Variants in NTM observed in about 807,000 individuals in gnomAD.
NTM encodes neurotrimin, also known as IgLON family member 2.
Under a neutral mutation model 42.1 loss-of-function variants are expected in NTM, and 13 were observed. The observed-to-expected ratio is 0.31, with a 90% CI of 0.20 to 0.49. NTM has a LOEUF of 0.49. NTM is among the 20% of genes least tolerant of loss of function. NTM has a pLI of 0.99. For synonymous variants in NTM, 187 were observed against 179.2 expected (o/e 1.04, Z -0.35); for missense variants, 373 against 452.8 (o/e 0.82, Z 1.60).
At chr11:131,381,215 T>A (rs973412055) in intron 1 of NTM, among the ~76,000 whole-genome samples, 2 of 152,104 alleles carry the variant, frequency 1.3e-5, no homozygotes, top group African/African-American at 4.8e-5. Context: ...AAGAGGAAAA[T>A]GACTGGATGA....
At chr11:131,894,377 C>G (rs2051898159) in intron 1 of NTM, among the ~76,000 whole-genome samples, 1 of 152,180 alleles carries the variant, frequency 6.6e-6, no homozygotes, top group Admixed American at 6.5e-5. Flanking sequence ...TGTGGCCCTT[C>G]CACATAAGAA....
chr11:132,223,567 CT>C (rs2085588555), intron 4 of NTM, among the ~76,000 whole-genome samples: 1 of 152,190 alleles, frequency 6.6e-6, no homozygotes, highest in African/African-American at 2.4e-5. Flanking sequence ...CCTTCCCTGT[CT>C]GCACTAGACT....
At chr11:131,953,191 C>T (rs2061206028) in intron 2 of NTM, among the ~76,000 whole-genome samples, 1 of 152,120 alleles carries the variant, frequency 6.6e-6, no homozygotes, top group African/African-American at 2.4e-5. Context: ...GTTGCCATGG[C>T]AACATTCATT....
chr11:132,087,993 G>A (rs2059937731), intron 2 of NTM, among the ~76,000 whole-genome samples: 1 of 152,202 alleles, frequency 6.6e-6, no homozygotes, highest in African/African-American at 2.4e-5. Context: ...ATCCTGCATG[G>A]CCATTGGATG....
At position 132,120,836 on chromosome 11, in the gene NTM, C is replaced by T. The variant is rs140459629; in HGVS notation, c.168-25446C>T. Among the ~76,000 whole-genome samples, 805 of 152,150 alleles carry T rather than the reference C, an allele frequency of 5.3e-3. 3 individuals are homozygous for T. Among genetic ancestry groups the T allele is most frequent in the South Asian group, 0.011 (51 of 4,816 alleles). Reference sequence around the variant, plus strand: ...TATTTGTCGTCTGAACCCCAAGGTGCCTCTTGGTAGAGTATGCATAGGCTG... The same window carrying T: ...TATTTGTCGTCTGAACCCCAAGGTGTCTCTTGGTAGAGTATGCATAGGCTG... On this transcript the variant is annotated intron_variant, in intron 2 of 8. Transcript: ENST00000683400.
At chr11:132,082,482 A>T (rs2059207529) in intron 2 of NTM, among the ~76,000 whole-genome samples, 1 of 152,124 alleles carries the variant, frequency 6.6e-6, no homozygotes, top group African/African-American at 2.4e-5. Flanking sequence ...CGTACTCCAT[A>T]TTGATTTATT....
intron 1 of NTM, among the ~76,000 whole-genome samples, chr11:131,465,259 G>A (rs899053121): frequency 5.3e-5 from 8 of 152,134 alleles, no homozygotes; most frequent in African/African-American, 1.2e-4. Flanking sequence ...CAGATGAGCC[G>A]CCCCATGGGT....
At chr11:132,023,858 G>A (rs990129489) in intron 2 of NTM, among the ~76,000 whole-genome samples, 3 of 151,656 alleles carry the variant, frequency 2.0e-5, no homozygotes, top group East Asian at 1.9e-4. Context: ...TCACTCTGTC[G>A]CCCAGGCTGG....
At chr11:132,202,489 G>A (rs1464828035) in intron 3 of NTM, among the ~76,000 whole-genome samples, 2 of 152,156 alleles carry the variant, frequency 1.3e-5, no homozygotes, top group Non-Finnish European at 2.9e-5. Flanking sequence ...CTGGGAAACA[G>A]ATGGCCCTGT....
At chr11:131,409,927 C>T (rs1172441373) in intron 1 of NTM, among the ~76,000 whole-genome samples, 1 of 152,120 alleles carries the variant, frequency 6.6e-6, no homozygotes, top group Non-Finnish European at 1.5e-5. Flanking sequence ...TCCCATGGCA[C>T]AGCATCTCAG....
At chr11:131,621,636 CAAAAAAAAAAAAAAAA>C (rs527788930) in intron 1 of NTM, among the ~76,000 whole-genome samples, 2 of 99,004 alleles carry the variant, frequency 2.0e-5, no homozygotes, top group East Asian at 6.8e-4. Context: ...CCTATCTTTA[CAAAAAAAAAAAAAAAA>C]AAAAAAAAAG....
At chr11:132,319,089 G>C (rs1308836813) in intron 7 of NTM, among the ~76,000 whole-genome samples, 2 of 152,214 alleles carry the variant, frequency 1.3e-5, no homozygotes, top group Non-Finnish European at 2.9e-5. Flanking sequence ...CCATGTGACT[G>C]TATTCACAGA....
chr11:131,579,638 A>G (rs188787334), intron 1 of NTM, among the ~76,000 whole-genome samples: 1 of 151,962 alleles, frequency 6.6e-6, no homozygotes, highest in African/African-American at 2.4e-5. Context: ...TTCTGAAGGA[A>G]GAGTGGTTGA....
chr11:131,732,322 T>C (rs2079802740), intron 1 of NTM, among the ~76,000 whole-genome samples: 3 of 152,228 alleles, frequency 2.0e-5, no homozygotes, highest in Non-Finnish European at 2.9e-5. Flanking sequence ...TATTTTCTGT[T>C]CATCTTTATC....
rs1376715248 is a variant in NTM at position 131,874,062 on chromosome 11, T to C, written c.83-37502T>C. 2.9e-5 allele frequency among the ~76,000 whole-genome samples: 3 copies of C among 104,878 alleles called. No individual in the cohort carries two copies. In the East Asian group the frequency reaches 7.7e-4, roughly 27 times the overall value. The allele number at this position is 104,878 out of a possible 152,430, so 68.8% of individuals were successfully genotyped here. A position where few individuals can be genotyped will look rare whatever the true frequency, so the allele number is the denominator to read the frequency against. On this transcript the variant is annotated intron_variant, in intron 1 of 8. Transcript: ENST00000683400. ...ATATATATATATATATATATATATATATATATCAGCAACAGGGTGTTAGTC... is the reference window on the plus strand; with the variant it reads ...ATATATATATATATATATATATATACATATATCAGCAACAGGGTGTTAGTC...
At chr11:132,040,288 A>G (rs1304116445) in intron 2 of NTM, among the ~76,000 whole-genome samples, 4 of 152,148 alleles carry the variant, frequency 2.6e-5, no homozygotes, top group African/African-American at 9.7e-5. Context: ...TTCTGTTTGT[A>G]TCTCAGTTTA....
chr11:131,837,231 G>A (rs1565612971), intron 1 of NTM, among the ~76,000 whole-genome samples: 3 of 152,154 alleles, frequency 2.0e-5, no homozygotes, highest in Non-Finnish European at 4.4e-5. Flanking sequence ...GGCATCTACC[G>A]AATTTGCACC....
intron 2 of NTM, among the ~76,000 whole-genome samples, chr11:132,017,518 A>C (rs1474940862): frequency 1.3e-5 from 2 of 151,998 alleles, no homozygotes. Flanking sequence ...TATTGATCTA[A>C]ATTTCTAACT....
intron 1 of NTM, chr11:131,795,755 G>A: frequency 1.0e-6 from 1 of 985,336 alleles, no homozygotes; most frequent in African/African-American, 1.7e-5. Flanking sequence ...TTCAGGTCAT[G>A]ATACTGCCTT....
Sources: allele counts gnomAD v4.1 joint callset (sites outside exome capture counted in the v4.1 genomes callset), GRCh38; gene constraint gnomAD v4.1.1; transcripts MANE v1.5; gene names NCBI Gene and HGNC (gene_info 2026-07-23, HGNC 2026-07-21).